Variants in FAT3 observed in about 807,000 individuals in gnomAD.
FAT3 encodes protocadherin Fat 3.
FAT3 carries 95 observed loss-of-function variants against 310.2 expected under a neutral mutation model. The ratio of observed to expected loss-of-function variants is 0.31; its 90% CI spans 0.26 to 0.36. The LOEUF is 0.36. FAT3 is among the 10% of genes least tolerant of loss of function. FAT3 has a pLI of 1.00. For missense variants in FAT3, 5,408 were observed against 5,715.6 expected (o/e 0.95, Z 1.74); for synonymous variants, 2,314 against 2,192.9 (o/e 1.06, Z -1.54).
Position 92,861,418 on chromosome 11 carries a change from G to A in FAT3, c.11658+2096G>A, listed in dbSNP as rs564590934. ...AAAATGTGCAGATCCCAGAGGATAC[G>A]AAAGAAGAATAATTAAGCCTTTTAG... On this transcript the variant is annotated intron_variant, in intron 21 of 27. Transcript: ENST00000525166. Among the ~76,000 whole-genome samples the A allele has an allele frequency of 3.9e-4, 59 of 152,294 alleles. 1 individual carries two copies. The South Asian group carries it at 0.011, about 27-fold the overall frequency.
At chr11:92,323,878 T>C (rs1260067262) in intron 1 of FAT3, among the ~76,000 whole-genome samples, 1 of 152,242 alleles carries the variant, frequency 6.6e-6, no homozygotes, top group Non-Finnish European at 1.5e-5. Context: ...CTTCTTTCAA[T>C]AGAAGTCTGT....
rs1265374770 is a variant in FAT3 at position 92,799,725 on chromosome 11, G to A, written c.6712G>A (p.Gly2238Arg). 1.9e-6 allele frequency: 3 copies of A among 1,612,796 alleles called. No individual in the cohort carries two copies. Among genetic ancestry groups the A allele is most frequent in the East Asian group, 2.2e-5 (1 of 44,792 alleles). Residue 2238 changes from glycine (G) to arginine (R), a missense_variant, in exon 10 of 28, where the codon GGG becomes AGG. Coordinates refer to ENST00000525166, the MANE Select transcript of FAT3 (RefSeq NM_001367949.2). ...ACAGTTTAACATTGACTTTGACACT[G>A]GGGTCCTGAAAGTTGTTAGCCCTTT... is the stretch of plus-strand genomic sequence containing the variant. Reference protein sequence around the residue: ...FKQFNIDFDTGVLKVVSPLDY... With the variant: ...FKQFNIDFDTRVLKVVSPLDY...
intron 13 of FAT3, among the ~76,000 whole-genome samples, chr11:92,822,963 C>G (rs542121279): frequency 6.6e-6 from 1 of 152,306 alleles, no homozygotes; most frequent in East Asian, 1.9e-4. Context: ...TTGCTACTGA[C>G]AACTCCTATC....
chr11:92,794,184 A>G (rs1376836715), intron 9 of FAT3, among the ~76,000 whole-genome samples: 1 of 152,100 alleles, frequency 6.6e-6, no homozygotes, highest in African/African-American at 2.4e-5. Context: ...TATTTTTCAC[A>G]GGACATTTTT....
intron 4 of FAT3, among the ~76,000 whole-genome samples, chr11:92,738,558 A>G (rs914738511): frequency 6.6e-6 from 1 of 152,200 alleles, no homozygotes; most frequent in Admixed American, 6.5e-5. Flanking sequence ...GCAGGTCCTC[A>G]AGGAGTAATT....
At chr11:92,868,125 G>A (rs994964192) in intron 22 of FAT3, among the ~76,000 whole-genome samples, 15 of 152,162 alleles carry the variant, frequency 9.9e-5, no homozygotes, top group African/African-American at 3.6e-4. Context: ...TTGCAGAGTC[G>A]CTCAGCAGTC....
Position 92,537,935 on chromosome 11 carries a change from G to T in FAT3, c.3607+12987G>T, listed in dbSNP as rs147161332. On this transcript the variant is annotated intron_variant, in intron 3 of 27. Coordinates refer to ENST00000525166, the MANE Select transcript of FAT3 (RefSeq NM_001367949.2). The stretch of plus-strand genomic sequence containing the variant: ...GCCTTTAGGTTGGGTAAGTGGGGGA[G>T]ATATCAGGGAAAGATATTTATCTTT... 5.0e-3 allele frequency among the ~76,000 whole-genome samples: 760 copies of T among 152,150 alleles called. 7 individuals are homozygous for T. The highest frequency in any genetic ancestry group is 0.024 in the Middle Eastern group (7 of 294).
intron 4 of FAT3, among the ~76,000 whole-genome samples, chr11:92,743,627 G>A (rs1197212441): frequency 6.6e-6 from 1 of 152,214 alleles, no homozygotes; most frequent in African/African-American, 2.4e-5. Context: ...CCAGGCAGAG[G>A]GCCGCATGTG....
intron 1 of FAT3, among the ~76,000 whole-genome samples, chr11:92,255,081 C>A (rs1865263717): frequency 6.6e-6 from 1 of 152,148 alleles, no homozygotes. Flanking sequence ...AAATTTATAG[C>A]AGCAAATATA....
chr11:92,705,397 ATGG>A lies in FAT3; in HGVS notation c.3669+7964_3669+7966del, dbSNP rs1333104362. Among the ~76,000 whole-genome samples, 21 of 65,672 alleles carry A rather than the reference ATGG, an allele frequency of 3.2e-4. No homozygotes were observed. In the Middle Eastern group the frequency reaches 0.042, roughly 130 times the overall value. The allele number at this position is 65,672 out of a possible 152,430, so 43.1% of individuals were successfully genotyped here. A position where few individuals can be genotyped will look rare whatever the true frequency, so the allele number is the denominator to read the frequency against. On this transcript the variant is annotated intron_variant, in intron 4 of 27. Coordinates refer to ENST00000525166, the MANE Select transcript of FAT3 (RefSeq NM_001367949.2). ...GATGGTGTTGGTGGTGGTGGTGGTG[ATGG>A]TGGTGGTGGTGATGGTGGTAGTGGT...
At chr11:92,227,208 C>T (rs1863956275) in intron 1 of FAT3, among the ~76,000 whole-genome samples, 1 of 152,204 alleles carries the variant, frequency 6.6e-6, no homozygotes, top group South Asian at 2.1e-4. Context: ...CCGCTTTTCT[C>T]CCACTTGCCT....
intron 21 of FAT3, among the ~76,000 whole-genome samples, chr11:92,861,409 A>G (rs1282044507): frequency 6.6e-6 from 1 of 152,254 alleles, no homozygotes; most frequent in East Asian, 1.9e-4. Context: ...TGCAGATCCC[A>G]GAGGATACGA....
intron 2 of FAT3, among the ~76,000 whole-genome samples, chr11:92,491,693 T>C (rs1406972853): frequency 6.6e-6 from 1 of 152,104 alleles, no homozygotes; most frequent in Admixed American, 6.5e-5. Flanking sequence ...TCTCCAACAG[T>C]AATTCACATT....
chr11:92,304,978 A>G (rs1947084510), intron 1 of FAT3, among the ~76,000 whole-genome samples: 1 of 152,174 alleles, frequency 6.6e-6, no homozygotes, highest in Non-Finnish European at 1.5e-5. Flanking sequence ...GACATAAATG[A>G]GACCTGCTGG....
intron 3 of FAT3, among the ~76,000 whole-genome samples, chr11:92,525,453 A>G (rs76552132): frequency 6.6e-6 from 1 of 152,338 alleles, no homozygotes; most frequent in East Asian, 1.9e-4. Context: ...TACATAAAAT[A>G]TGTATAACTT....
intron 22 of FAT3, among the ~76,000 whole-genome samples, chr11:92,878,668 GCT>G: frequency 1.4e-5 from 1 of 72,664 alleles, no homozygotes; most frequent in South Asian, 4.6e-4. Context: ...AAAAAAAAAA[GCT>G]CCGCACAAAA....
intron 19 of FAT3, among the ~76,000 whole-genome samples, chr11:92,846,875 A>G (rs1442677165): frequency 6.6e-6 from 1 of 152,226 alleles, no homozygotes; most frequent in Non-Finnish European, 1.5e-5. Context: ...ATTAAGCTAT[A>G]AAATGAAATT....
rs114086295 is a variant in FAT3, at chr11:92,305,804, C to T, written c.-17-46292C>T. Among the ~76,000 whole-genome samples the T allele has an allele frequency of 8.8e-3, 1,333 of 152,096 alleles. 19 individuals carry two copies. Among genetic ancestry groups the T allele is most frequent in the African/African-American group, 0.03 (1,253 of 41,508 alleles). On this transcript the variant is annotated intron_variant, in intron 1 of 27. Transcript: ENST00000525166. ...AGACAAAGACAGACTAAGGAAATGT[C>T]CCGGATTGGAGGGGACTTAGTAGAA... is the stretch of plus-strand genomic sequence containing the variant.
chr11:92,850,773 G>A (rs1377903814), intron 19 of FAT3, among the ~76,000 whole-genome samples: 2 of 152,332 alleles, frequency 1.3e-5, no homozygotes, highest in South Asian at 4.1e-4. Context: ...TAAAAGCAGA[G>A]ACTTAATCCA....
Sources: allele counts gnomAD v4.1 joint callset (sites outside exome capture counted in the v4.1 genomes callset), GRCh38; gene constraint gnomAD v4.1.1; transcripts MANE v1.5; gene names NCBI Gene and HGNC (gene_info 2026-07-23, HGNC 2026-07-21).